Variants in TMA16 observed in about 807,000 individuals in gnomAD.
TMA16 encodes translation machinery-associated protein 16.
Under a neutral mutation model 27.1 loss-of-function variants are expected in TMA16, and 26 were observed. The ratio of observed to expected loss-of-function variants is 0.96; its 90% CI spans 0.70 to 1.33. The LOEUF is 1.33. Ranked by LOEUF, TMA16 falls within the 40% of genes most tolerant of loss-of-function variation. The probability of loss-of-function intolerance (pLI) is 0.00; values close to 1 mark genes in which losing one functional copy is unlikely to be tolerated. For synonymous variants in TMA16, 71 were observed against 81.9 expected (o/e 0.87, Z 0.72); for missense variants, 233 against 241.4 (o/e 0.97, Z 0.23).
chr4:163,519,120 G>A (rs772690880), intron 6 of TMA16, among the ~76,000 whole-genome samples: 3 of 152,086 alleles, frequency 2.0e-5, no homozygotes, highest in Non-Finnish European at 4.4e-5. Context: ...TGCAATTCTT[G>A]ATCTGGGTAG....
intron 1 of TMA16, among the ~76,000 whole-genome samples, chr4:163,505,336 A>T (rs963900054): frequency 3.9e-5 from 6 of 152,184 alleles, no homozygotes; most frequent in Non-Finnish European, 7.3e-5. Context: ...ATATTTTCCT[A>T]TACCTGTAAC....
chr4:163,500,210 CTT>C (rs34832261), intron 1 of TMA16, among the ~76,000 whole-genome samples: 63 of 132,228 alleles, frequency 4.8e-4, no homozygotes, highest in Middle Eastern at 3.8e-3. Context: ...TTCTTTCTTT[CTT>C]TTTTTTTTTT....
intron 2 of TMA16, among the ~76,000 whole-genome samples, chr4:163,511,651 A>G (rs1163634728): frequency 6.6e-6 from 1 of 151,322 alleles, no homozygotes; most frequent in Non-Finnish European, 1.5e-5. Flanking sequence ...TCTCTACAAA[A>G]ATAAAAGTAA....
In TMA16 at chr4:163,519,923, G is replaced by T. The variant is rs1037082732; in HGVS notation, c.*409G>T. The T allele has an allele frequency of 3.6e-6, 2 of 553,254 alleles. No homozygotes were observed. Among genetic ancestry groups the T allele is most frequent in the Non-Finnish European group, 6.4e-6 (2 of 311,068 alleles). 34.3% of individuals were successfully genotyped at this position (553,254 alleles called of 1,614,324 possible). On this transcript the variant is annotated 3_prime_UTR_variant, in exon 7 of 7. Transcript: ENST00000358572. The stretch of plus-strand genomic sequence containing the variant: ...TGTGATAATAGCAAAATTGTTTTTC[G>T]GTAATAATATCACACTAATGCTTCT...
intron 1 of TMA16, among the ~76,000 whole-genome samples, chr4:163,505,026 A>G (rs534798211): frequency 3.3e-5 from 5 of 152,260 alleles, no homozygotes; most frequent in Admixed American, 1.3e-4. Context: ...TGATAACCTA[A>G]TCTCAGAATT....
rs1737673721 is a variant in TMA16, at chr4:163,503,283, G to A, written c.4-3750G>A. ...TGATGTTTACAGTATTGCACTCTAA[G>A]CTTTCTCAGTTGTAGGCATGGGTTT... On this transcript the variant is annotated intron_variant, in intron 1 of 6. Transcript: ENST00000358572. 3.9e-5 allele frequency among the ~76,000 whole-genome samples: 6 copies of A among 152,054 alleles called. No individual in the cohort carries two copies. The South Asian group carries it at 1.2e-3, about 32-fold the overall frequency.
chr4:163,494,830 C>A (rs1737524563), intron 1 of TMA16, 26 bp downstream of exon 1: 3 of 1,610,908 alleles, frequency 1.9e-6, no homozygotes, highest in Non-Finnish European at 2.5e-6. Context: ...CTCCCCCGAA[C>A]CGCTCGGTTG....
intron 1 of TMA16, among the ~76,000 whole-genome samples, chr4:163,506,067 G>A (rs554554578): frequency 5.9e-5 from 9 of 152,192 alleles, no homozygotes; most frequent in African/African-American, 1.9e-4. Flanking sequence ...ATAAATTTTG[G>A]TCAGTGGGAT....
chr4:163,512,423 A>C (rs1246684535), intron 2 of TMA16: 1 of 156,084 alleles, frequency 6.4e-6, no homozygotes, highest in African/African-American at 2.4e-5. Flanking sequence ...TTCTTATTGA[A>C]ATTTAAAAGA....
rs1419149155 is a variant in TMA16, at chr4:163,500,628, C to T, written c.3+5824C>T. On this transcript the variant is annotated intron_variant, in intron 1 of 6. Coordinates refer to ENST00000358572, the MANE Select transcript of TMA16 (RefSeq NM_018352.3). ...CTTCTTTCTTGCTGTATAACTTTGT[C>T]AGTGAAAAAGAATGCCTCTGACAGG... Among the ~76,000 whole-genome samples the T allele has an allele frequency of 2.6e-5, 4 of 152,292 alleles. No homozygotes were observed. In the South Asian group the frequency reaches 6.2e-4, roughly 24 times the overall value.
rs1561736 is a variant in TMA16, at chr4:163,519,429, T to C, written c.527T>C (p.Ile176Thr). 0.46 allele frequency: 742,086 copies of C among 1,604,972 alleles called. 175,933 individuals carry two copies. Among genetic ancestry groups the C allele is most frequent in the Admixed American group, 0.62 (36,037 of 57,892 alleles). ...AIPKTCKRKT[I>T]ITVDQDLGEL... ...CCCAAGACGTGCAAGAGGAAAACTA[T>C]TATAACTGTAGACCAAGATTTGGGG... Residue 176 changes from isoleucine (I) to threonine (T), a missense_variant, in exon 7 of 7, where the codon ATT becomes ACT. Ile to Thr is a moderately conservative substitution (Grantham distance 89). Coordinates refer to ENST00000358572, the MANE Select transcript of TMA16 (RefSeq NM_018352.3).
chr4:163,495,361 T>G (rs1366228067), intron 1 of TMA16, among the ~76,000 whole-genome samples: 2 of 152,242 alleles, frequency 1.3e-5, no homozygotes, highest in East Asian at 3.8e-4. Context: ...AGTGTAAAGA[T>G]GAACAGTTTC....
intron 5 of TMA16, chr4:163,515,718 T>A (rs1737866712): frequency 3.2e-6 from 1 of 308,824 alleles, no homozygotes; most frequent in Non-Finnish European, 6.0e-6. Context: ...ACTTTCACAT[T>A]GATCTTGTCA....
chr4:163,513,008 A>G (rs544092211), intron 3 of TMA16, 149 bp downstream of exon 3: 3 of 540,374 alleles, frequency 5.6e-6, no homozygotes, highest in East Asian at 6.3e-5. Flanking sequence ...ATCAATCATT[A>G]AACTTTTGGA....
At chr4:163,497,366 A>G (rs186479959) in intron 1 of TMA16, among the ~76,000 whole-genome samples, 3 of 152,372 alleles carry the variant, frequency 2.0e-5, no homozygotes, top group Admixed American at 1.3e-4. Context: ...ACACTAAAAA[A>G]TGGTTTCTCA....
At chr4:163,515,238 T>A in intron 4 of TMA16, 75 bp from the exon 5 acceptor site, 1 of 1,427,052 alleles carries the variant, frequency 7.0e-7, no homozygotes, top group East Asian at 2.5e-5. Flanking sequence ...GGCTGGATAC[T>A]AAGTTTTCCA....
In TMA16 at chr4:163,494,781, C is replaced by T. The variant is rs766028314; in HGVS notation, c.-21C>T. The T allele has an allele frequency of 1.2e-6, 2 of 1,612,912 alleles. No homozygotes were observed. The highest frequency in any genetic ancestry group is 3.3e-5 in the Admixed American group (2 of 60,026). On this transcript the variant is annotated 5_prime_UTR_variant, in exon 1 of 7. Coordinates refer to ENST00000358572, the MANE Select transcript of TMA16 (RefSeq NM_018352.3). ...CTGGGTCTAGAGTGCGGAGCTGCTC[C>T]GTGGCCACGAGGACGTCACCATGGT... is the stretch of plus-strand genomic sequence containing the variant.
intron 5 of TMA16, 119 bp downstream of exon 5, chr4:163,515,580 C>T (rs1737864502): frequency 2.3e-6 from 3 of 1,317,290 alleles, no homozygotes; most frequent in Non-Finnish European, 3.1e-6. Context: ...CCTTTGATGT[C>T]TTTTTCTTTG....
chr4:163,494,891 G>C, intron 1 of TMA16, 87 bp downstream of exon 1: 1 of 1,575,940 alleles, frequency 6.3e-7, no homozygotes. Flanking sequence ...GTGCGGTTTC[G>C]GGAACCTAGG....
Sources: gnomAD v4.1 joint callset for allele counts (sites outside exome capture counted in the v4.1 genomes callset) on GRCh38, gnomAD v4.1.1 for gene constraint, MANE v1.5 for transcripts, NCBI Gene and HGNC (gene_info 2026-07-23, HGNC 2026-07-21) for gene names.